AFF3: variants seen among roughly 807,000 people sequenced by gnomAD.
The protein encoded by AFF3 is AF4/FMR2 family member 3.
AFF3 carries 32 observed loss-of-function variants against 129.7 expected under a neutral mutation model. That is an observed-to-expected ratio of 0.25 (90% CI 0.19 to 0.33). The LOEUF (loss-of-function observed/expected upper bound fraction) is 0.33. AFF3 is among the 10% of genes least tolerant of loss of function. The pLI is 1.00. For synonymous variants in AFF3, 644 were observed against 635.4 expected (o/e 1.01, Z -0.20); for missense variants, 1,373 against 1,592.0 (o/e 0.86, Z 2.34).
chr2:100,016,403 C>A (rs754610944), intron 4 of AFF3, among the ~76,000 whole-genome samples: 15 of 131,490 alleles, frequency 1.1e-4, no homozygotes, highest in Non-Finnish European at 2.1e-4. Flanking sequence ...GTGATGGCAG[C>A]GATGGTCATG....
At chr2:99,846,331 T>C (rs1689720572) in intron 7 of AFF3, among the ~76,000 whole-genome samples, 1 of 151,812 alleles carries the variant, frequency 6.6e-6, no homozygotes, top group Admixed American at 6.6e-5. Flanking sequence ...GGTTTCACCA[T>C]GTTGGCCAGG....
At chr2:99,561,498 A>G (rs888985474) in intron 20 of AFF3, among the ~76,000 whole-genome samples, 2 of 152,150 alleles carry the variant, frequency 1.3e-5, no homozygotes, top group Non-Finnish European at 2.9e-5. Context: ...TACCTTCCCC[A>G]CTTAAAAATA....
intron 4 of AFF3, among the ~76,000 whole-genome samples, chr2:100,017,131 G>C (rs1392594046): frequency 6.6e-6 from 1 of 152,048 alleles, no homozygotes; most frequent in Non-Finnish European, 1.5e-5. Flanking sequence ...TGAGGAGTGA[G>C]AAACAGTCAA....
chr2:99,958,485 GAAA>G (rs551725293), intron 7 of AFF3, among the ~76,000 whole-genome samples: 32 of 102,500 alleles, frequency 3.1e-4, no homozygotes, highest in Non-Finnish European at 4.6e-4. Flanking sequence ...ACTCTGTCTC[GAAA>G]AAAAAAAAAA....
intron 7 of AFF3, among the ~76,000 whole-genome samples, chr2:99,860,767 A>G (rs1690927493): frequency 1.3e-5 from 2 of 152,158 alleles, no homozygotes; most frequent in South Asian, 4.1e-4. Context: ...AAAGTAGTGT[A>G]TATAATTCAA....
chr2:99,587,140 G>A lies in AFF3; in HGVS notation c.2591+14C>T. On this transcript the variant is annotated intron_variant, in intron 16 of 24. Transcript: ENST00000672756. ...CTCTCCAGCTCACTTCCACTTTGGA[G>A]GGAATGCACGTACCTGTTGATGTTC... The A allele has an allele frequency of 6.2e-7, 1 of 1,613,810 alleles. No individual in the cohort carries two copies. The highest frequency in any genetic ancestry group is 8.5e-7 in the Non-Finnish European group (1 of 1,179,906).
intron 2 of AFF3, among the ~76,000 whole-genome samples, chr2:100,108,291 A>G (rs1448786823): frequency 6.6e-6 from 1 of 152,140 alleles, no homozygotes; most frequent in Non-Finnish European, 1.5e-5. Context: ...TTGTGTCTTC[A>G]GGCCTTTCCC....
At chr2:99,953,123 T>C (rs1363303022) in intron 7 of AFF3, among the ~76,000 whole-genome samples, 1 of 152,162 alleles carries the variant, frequency 6.6e-6, no homozygotes, top group African/African-American at 2.4e-5. Flanking sequence ...AGAGATCGTA[T>C]ACATGCCTCA....
rs191416707 is a variant in AFF3, at chr2:99,630,872, T to G, written c.1184+18754A>C. The stretch of plus-strand genomic sequence containing the variant: ...ACAATTCCAGATGAGATTTGGGTGG[T>G]GACACAGAGCCAAACCATATCACCA... On this transcript the variant is annotated intron_variant, in intron 13 of 24. Coordinates refer to ENST00000672756, the MANE Select transcript of AFF3 (RefSeq NM_001386135.1). 84 of 268,600 alleles carry G rather than the reference T, an allele frequency of 3.1e-4. 1 individual carries two copies. In the East Asian group the frequency reaches 5.7e-3, roughly 18 times the overall value. 16.6% of individuals were successfully genotyped at this position (268,600 alleles called of 1,614,324 possible). A position where few individuals can be genotyped will look rare whatever the true frequency, so the allele number is the denominator to read the frequency against.
chr2:99,755,640 G>A (rs1259022292), intron 8 of AFF3, among the ~76,000 whole-genome samples: 1 of 152,118 alleles, frequency 6.6e-6, no homozygotes, highest in Non-Finnish European at 1.5e-5. Context: ...TTCTTGACAT[G>A]TTCTTCTTCT....
chr2:99,769,368 T>A (rs1683281152), intron 8 of AFF3, among the ~76,000 whole-genome samples: 1 of 152,208 alleles, frequency 6.6e-6, no homozygotes. Context: ...AATCTCTTTG[T>A]TAAATTTATC....
chr2:100,140,718 T>C (rs1163999330), intron 1 of AFF3, among the ~76,000 whole-genome samples: 4 of 152,196 alleles, frequency 2.6e-5, no homozygotes, highest in Non-Finnish European at 4.4e-5. Flanking sequence ...AAGATGTGTA[T>C]GAGTACATGT....
At chr2:99,997,248 A>G (rs1680929877) in intron 7 of AFF3, among the ~76,000 whole-genome samples, 1 of 152,178 alleles carries the variant, frequency 6.6e-6, no homozygotes. Flanking sequence ...AATAAGCCCA[A>G]GTGAGTAAGT....
intron 7 of AFF3, among the ~76,000 whole-genome samples, chr2:99,970,567 T>C (rs930643608): frequency 2.0e-5 from 3 of 152,178 alleles, no homozygotes; most frequent in Admixed American, 2.0e-4. Flanking sequence ...AAGCTTCCCT[T>C]CACCACAGAA....
At chr2:99,883,814 GAATTATTATT>G (rs1167378608) in intron 7 of AFF3, among the ~76,000 whole-genome samples, 11 of 151,646 alleles carry the variant, frequency 7.3e-5, no homozygotes, top group Non-Finnish European at 7.4e-5. Context: ...AGACTAGGCA[GAATTATTATT>G]ATACATTTCA....
At chr2:99,911,749 A>C (rs1695127122) in intron 7 of AFF3, among the ~76,000 whole-genome samples, 1 of 152,226 alleles carries the variant, frequency 6.6e-6, no homozygotes, top group Non-Finnish European at 1.5e-5. Context: ...GACTTGTATC[A>C]AAAACATGTG....
At chr2:99,837,017 CAT>C (rs1337759816) in intron 8 of AFF3, among the ~76,000 whole-genome samples, 1 of 152,162 alleles carries the variant, frequency 6.6e-6, no homozygotes, top group Non-Finnish European at 1.5e-5. Flanking sequence ...GGGAAAATAA[CAT>C]GTGAAACAAT....
intron 12 of AFF3, among the ~76,000 whole-genome samples, chr2:99,650,021 C>T (rs1685090396): frequency 6.6e-6 from 1 of 152,126 alleles, no homozygotes; most frequent in Non-Finnish European, 1.5e-5. Flanking sequence ...TTGTCCTTTC[C>T]TATAAGAAAA....
At chr2:99,971,725 T>A (rs1240343861) in intron 7 of AFF3, among the ~76,000 whole-genome samples, 2 of 152,156 alleles carry the variant, frequency 1.3e-5, no homozygotes, top group African/African-American at 4.8e-5. Flanking sequence ...GTTTAAATAA[T>A]GACTCACCAT....
Sources: gnomAD v4.1 joint callset for allele counts (sites outside exome capture counted in the v4.1 genomes callset) on GRCh38, gnomAD v4.1.1 for gene constraint, MANE v1.5 for transcripts, NCBI Gene and HGNC (gene_info 2026-07-23, HGNC 2026-07-21) for gene names.